The following MADCAM1 variants were observed in gnomAD, a reference collection of about 807,000 sequenced individuals.
The protein encoded by MADCAM1 is mucosal addressin cell adhesion molecule 1.
MADCAM1 carries 19 observed loss-of-function variants against 26.1 expected under a neutral mutation model. The observed-to-expected ratio is 0.73, with a 90% CI of 0.51 to 1.07. MADCAM1 has a LOEUF of 1.07. MADCAM1 is among the 50% of genes least tolerant of loss of function. The pLI is 0.00. For synonymous variants in MADCAM1, 268 were observed against 260.9 expected, an observed-to-expected ratio of 1.03 and a Z score of -0.26; for missense variants, 514 against 542.1, an observed-to-expected ratio of 0.95 and a Z score of 0.51.
At chr19:502,366 A>G (rs149710352) in intron 4 of MADCAM1, among the ~76,000 whole-genome samples, 2,174 of 151,690 alleles carry the variant, frequency 0.014, 53 homozygotes, top group African/African-American at 0.049. Flanking sequence ...CAGTGGTGCA[A>G]CCTCGACTCA....
At position 505,205 on chromosome 19, in the gene MADCAM1, A is replaced by G. The variant is rs1199610573; in HGVS notation, c.*240A>G. The G allele has an allele frequency of 2.3e-6, 1 of 438,326 alleles. No individual in the cohort carries two copies. The highest frequency in any genetic ancestry group is 4.0e-6 in the Non-Finnish European group (1 of 247,070). The allele number at this position is 438,326 out of a possible 1,614,324, so 27.2% of individuals were successfully genotyped here. On this transcript the variant is annotated 3_prime_UTR_variant, in exon 5 of 5. Coordinates refer to ENST00000215637, the MANE Select transcript of MADCAM1 (RefSeq NM_130760.3). ...AGTGGTCCCCACCTTTCTGGACGGAACCACGTACTTTTTACATACATTGAT... is the reference window on the plus strand; with the variant it reads ...AGTGGTCCCCACCTTTCTGGACGGAGCCACGTACTTTTTACATACATTGAT...
Position 498,005 on chromosome 19 carries a change from C to A in MADCAM1, c.225C>A (p.Gly75=). The A allele has an allele frequency of 6.6e-7, 1 of 1,503,958 alleles. No individual in the cohort carries two copies. Among genetic ancestry groups the A allele is most frequent in the East Asian group, 2.6e-5 (1 of 37,772 alleles). The allele number at this position is 1,503,958 out of a possible 1,614,324, so 93.2% of individuals were successfully genotyped here. The change falls in exon 2 of 5, where the codon GGC becomes GGA. Residue 75 remains glycine (G), a synonymous_variant. Coordinates refer to ENST00000215637, the MANE Select transcript of MADCAM1 (RefSeq NM_130760.3). ...TGGGCGCGGTGCAGTCGGACACGGG[C>A]CGCAGCGTCCTCACCGTGCGCAACG... ...TSLGAVQSDT[G]RSVLTVRNAS...
intron 4 of MADCAM1, among the ~76,000 whole-genome samples, chr19:504,147 G>A (rs1978495890): frequency 6.6e-6 from 1 of 151,478 alleles, no homozygotes; most frequent in East Asian, 1.9e-4. Flanking sequence ...AAAATAGTAT[G>A]AAGGAGATAT....
intron 3 of MADCAM1, chr19:499,068 C>T (rs981707145): frequency 2.8e-6 from 2 of 705,760 alleles, no homozygotes; most frequent in Admixed American, 2.0e-5. Flanking sequence ...GGGGTCAAAG[C>T]CCAAGTCCTC....
Position 501,732 on chromosome 19 carries a change from C to G in MADCAM1, c.731C>G (p.Thr244Ser). 1 of 1,569,770 alleles carries G rather than the reference C, an allele frequency of 6.4e-7. No individual in the cohort carries two copies. Among genetic ancestry groups the G allele is most frequent in the Non-Finnish European group, 8.6e-7 (1 of 1,156,206 alleles). The stretch of plus-strand genomic sequence containing the variant: ...ACCTCCCCGGAGTCTCCCGACACCA[C>G]CTCCCCGGAGTCTCCCGACACCACC... ...DTTSPESPDT[T>S]SPESPDTTSQ... The change falls in exon 4 of 5, where the codon ACC becomes AGC. Residue 244 changes from threonine (T) to serine (S), a missense_variant. Thr to Ser is a moderately conservative substitution (Grantham distance 58). Transcript: ENST00000215637.
Position 499,059 on chromosome 19 carries a change from G to A in MADCAM1, c.667+234G>A, listed in dbSNP as rs567555649. ...ACAGCGCTCCATGGCTCTTGCCTTGGGGTCAAAGCCCAAGTCCTCCCGGGG... is the reference window on the plus strand; with the variant it reads ...ACAGCGCTCCATGGCTCTTGCCTTGAGGTCAAAGCCCAAGTCCTCCCGGGG... On this transcript the variant is annotated intron_variant, in intron 3 of 4. Transcript: ENST00000215637. The A allele has an allele frequency of 3.7e-4, 275 of 741,338 alleles. 1 individual carries two copies. In the African/African-American group the frequency reaches 3.7e-3, roughly 10 times the overall value. 45.9% of individuals were successfully genotyped at this position (741,338 alleles called of 1,614,324 possible). A position where few individuals can be genotyped will look rare whatever the true frequency, so the allele number is the denominator to read the frequency against.
At chr19:503,044 C>T (rs1009380589) in intron 4 of MADCAM1, among the ~76,000 whole-genome samples, 35 of 152,192 alleles carry the variant, frequency 2.3e-4, no homozygotes, top group African/African-American at 8.4e-4. Flanking sequence ...ACTAACTGGG[C>T]TAAAGTGTAA....
In MADCAM1 at chr19:504,994, A is replaced by C. The variant is rs768393049; in HGVS notation, c.*29A>C. 5.9e-6 allele frequency: 9 copies of C among 1,531,392 alleles called. No individual in the cohort carries two copies. In the African/African-American group the frequency reaches 1.2e-4, roughly 21 times the overall value. 94.9% of individuals were successfully genotyped at this position (1,531,392 alleles called of 1,614,324 possible). ...GCCAGCCTTTCCCCCTGTGAAAGCA[A>C]AATAGCTTGGACCCCTTCAAGTTGA... On this transcript the variant is annotated 3_prime_UTR_variant, in exon 5 of 5. Transcript: ENST00000215637.
In MADCAM1 at chr19:501,682, G is replaced by GACCTCCCTGGAGCCTCCCAACACC. The variant is rs1978332950; in HGVS notation, c.688_689insTGGAGCCTCCCAACACCACCTCCC (p.Ser229_Pro230insLeuGluProProAsnThrThrSer). The stretch of plus-strand genomic sequence containing the variant: ...CTCTGTTTCCAGTCCTGCACAGCCC[G>GACCTCCCTGGAGCCTCCCAACACC]ACCTCCCCGGAGCCTCCCGACACCA... On this transcript the variant is annotated inframe_insertion, in exon 4 of 5. Transcript: ENST00000215637. The GACCTCCCTGGAGCCTCCCAACACC allele has an allele frequency of 2.4e-6, 3 of 1,249,222 alleles. No individual in the cohort carries two copies. Among genetic ancestry groups the GACCTCCCTGGAGCCTCCCAACACC allele is most frequent in the East Asian group, 6.3e-5 (2 of 31,608 alleles). The allele number at this position is 1,249,222 out of a possible 1,614,324, so 77.4% of individuals were successfully genotyped here. A position where few individuals can be genotyped will look rare whatever the true frequency, so the allele number is the denominator to read the frequency against.
At position 501,763 on chromosome 19, in the gene MADCAM1, G is replaced by A. The variant is rs1399148322; in HGVS notation, c.762G>A (p.Gln254=). Residue 254 remains glutamine (Q), a synonymous_variant, in exon 4 of 5, where the codon CAG becomes CAA. Transcript: ENST00000215637. ...TSPESPDTTS[Q]EPPDTTSPEP... is the part of the protein sequence containing the mutation. ...CGGAGTCTCCCGACACCACCTCCCA[G>A]GAGCCTCCCGACACCACCTCCCCGG... 1 of 1,590,598 alleles carries A rather than the reference G, an allele frequency of 6.3e-7. No homozygotes were observed. The highest frequency in any genetic ancestry group is 8.6e-7 in the Non-Finnish European group (1 of 1,168,688).
At chr19:501,571 G>C (rs1297924615) in intron 3 of MADCAM1, 98 bp from the exon 4 acceptor site, 1 of 1,344,968 alleles carries the variant, frequency 7.4e-7, no homozygotes, top group Non-Finnish European at 1.0e-6. Flanking sequence ...GCTTGGAGGG[G>C]TTCTGGTCCA....
rs868693249 is a variant in MADCAM1, at chr19:498,684, C to T, written c.526C>T (p.Gln176Ter). Residue 176 changes from glutamine (Q) to a stop codon, truncating the protein, a stop_gained, in exon 3 of 5, where the codon CAG (glutamine) becomes TAG (stop). Coordinates refer to ENST00000215637, the MANE Select transcript of MADCAM1 (RefSeq NM_130760.3). LOFTEE classifies it high-confidence loss of function. ...PEVQEEEEEP[Q>*]GDEDVLFRVT... is the part of the protein sequence containing the mutation. ...GGTGCAGGAGGAGGAGGAGGAGCCC[C>T]AGGGGGACGAGGACGTGCTGTTCAG... 1.4e-6 allele frequency: 2 copies of T among 1,450,138 alleles called. No homozygotes were observed. The highest frequency in any genetic ancestry group is 2.9e-5 in the African/African-American group (2 of 69,360). 89.8% of individuals were successfully genotyped at this position (1,450,138 alleles called of 1,614,324 possible).
chr19:501,727 C>T lies in MADCAM1; in HGVS notation c.726C>T (p.Asp242=), dbSNP rs1199826461. The T allele has an allele frequency of 5.1e-6, 8 of 1,566,632 alleles. No individual in the cohort carries two copies. The East Asian group carries it at 7.1e-5, about 14-fold the overall frequency. ...ACACCACCTCCCCGGAGTCTCCCGACACCACCTCCCCGGAGTCTCCCGACA... is the reference window on the plus strand; with the variant it reads ...ACACCACCTCCCCGGAGTCTCCCGATACCACCTCCCCGGAGTCTCCCGACA... ...PPDTTSPESP[D]TTSPESPDTT... is the part of the protein sequence containing the mutation. The change falls in exon 4 of 5, where the codon GAC becomes GAT. Residue 242 remains aspartate (D), a synonymous_variant. Transcript: ENST00000215637.
intron 2 of MADCAM1, 55 bp from the exon 3 acceptor site, chr19:498,441 A>T: frequency 7.1e-7 from 1 of 1,412,820 alleles, no homozygotes; most frequent in South Asian, 1.7e-5. Flanking sequence ...CGGCCCCTCC[A>T]TCACGTCCAG....
chr19:498,786 C>T lies in MADCAM1; in HGVS notation c.628C>T (p.Leu210=). ...CCTCTACTGCCAGGCCACGATGAGG[C>T]TGCCTGGCTTGGAGCTCAGCCACCG... ...PALYCQATMR[L]PGLELSHRQA... The change falls in exon 3 of 5, where the codon CTG becomes TTG. Residue 210 remains leucine (L), a synonymous_variant. Transcript: ENST00000215637. 6.7e-7 allele frequency: 1 copy of T among 1,503,082 alleles called. No individual in the cohort carries two copies. Among genetic ancestry groups the T allele is most frequent in the Non-Finnish European group, 8.8e-7 (1 of 1,135,996 alleles). 93.1% of individuals were successfully genotyped at this position (1,503,082 alleles called of 1,614,324 possible).
At position 497,820 on chromosome 19, in the gene MADCAM1, G is replaced by C; in HGVS notation, c.53-13G>C. On this transcript the variant is annotated splice_polypyrimidine_tract_variant and intron_variant, in intron 1 of 4. Coordinates refer to ENST00000215637, the MANE Select transcript of MADCAM1 (RefSeq NM_130760.3). Reference sequence around the variant, plus strand: ...GACTCCGCGGGGCTGAGCGAGAGCCGCGGTCGCCGCAGGCCAGTCCCTCCA... The same window carrying C: ...GACTCCGCGGGGCTGAGCGAGAGCCCCGGTCGCCGCAGGCCAGTCCCTCCA... 1 of 1,269,852 alleles carries C rather than the reference G, an allele frequency of 7.9e-7. No homozygotes were observed. The highest frequency in any genetic ancestry group is 3.2e-5 in the East Asian group (1 of 31,238). 78.7% of individuals were successfully genotyped at this position (1,269,852 alleles called of 1,614,324 possible). A position where few individuals can be genotyped will look rare whatever the true frequency, so the allele number is the denominator to read the frequency against.
chr19:502,239 A>C (rs1399879877), intron 4 of MADCAM1, among the ~76,000 whole-genome samples: 2 of 152,108 alleles, frequency 1.3e-5, no homozygotes, highest in African/African-American at 2.4e-5. Flanking sequence ...GTAAATTCTA[A>C]GCCTTGTAGA....
chr19:501,875 C>T lies in MADCAM1; in HGVS notation c.874C>T (p.Arg292Cys), dbSNP rs544727278. ...GAGCCCAGGCTCCACCAGGACTCGC[C>T]GCCCTGAGATCTCCCAGGCTGGGCC... is the stretch of plus-strand genomic sequence containing the variant. ...PRSPGSTRTR[R>C]PEISQAGPTQ... Residue 292 changes from arginine to cysteine, a missense_variant, in exon 4 of 5, where the codon CGC (arginine) becomes TGC (cysteine). By Grantham distance (180) the Arg-to-Cys change is radical. Coordinates refer to ENST00000215637, the MANE Select transcript of MADCAM1 (RefSeq NM_130760.3). 3.8e-5 allele frequency: 59 copies of T among 1,557,552 alleles called. 1 individual carries two copies. Among genetic ancestry groups the T allele is most frequent in the South Asian group, 7.1e-5 (6 of 84,476 alleles).
intron 4 of MADCAM1, 99 bp downstream of exon 4, chr19:502,028 T>TGGTTTCCCCGTCTGCCCAGCCTC: frequency 7.9e-7 from 1 of 1,266,170 alleles, no homozygotes; most frequent in East Asian, 2.8e-5. Context: ...TGCCCAGCCT[T>TGGTTTCCCCGTCTGCCCAGCCTC]GGTTTCCCCG....
Sources: allele counts gnomAD v4.1 joint callset (sites outside exome capture counted in the v4.1 genomes callset), GRCh38; gene constraint gnomAD v4.1.1; transcripts MANE v1.5; gene names NCBI Gene and HGNC (gene_info 2026-07-23, HGNC 2026-07-21).